The following RPH3AL variants were observed in gnomAD, a reference collection of about 807,000 sequenced individuals.
RPH3AL encodes rabphilin 3A like (without C2 domains).
RPH3AL carries 38 observed loss-of-function variants against 43.1 expected under a neutral mutation model. The observed-to-expected ratio is 0.88, with a 90% CI of 0.68 to 1.15. RPH3AL has a LOEUF of 1.15. Ranked by LOEUF, RPH3AL falls within the 50% of genes most tolerant of loss-of-function variation. The pLI, the probability that RPH3AL is intolerant of heterozygous loss-of-function variation, is 0.00. For synonymous variants in RPH3AL, 189 were observed against 176.3 expected, an observed-to-expected ratio of 1.07 and a Z score of -0.57; for missense variants, 462 against 423.2, an observed-to-expected ratio of 1.09 and a Z score of -0.81.
chr17:317,832 CT>C (rs1257473442), intron 5 of RPH3AL, among the ~76,000 whole-genome samples: 2 of 152,160 alleles, frequency 1.3e-5, no homozygotes, highest in Admixed American at 1.3e-4. Context: ...TGCCAGTGGC[CT>C]GCATGTTCCA....
chr17:225,005 C>G lies in RPH3AL; in HGVS notation c.614-5269G>C, dbSNP rs144977607. Among the ~76,000 whole-genome samples, 5,251 of 151,172 alleles carry G rather than the reference C, an allele frequency of 0.035. 112 individuals are homozygous for G. Among genetic ancestry groups the G allele is most frequent in the African/African-American group, 0.042 (1,739 of 41,130 alleles). On this transcript the variant is annotated intron_variant, in intron 7 of 9. Transcript: ENST00000331302. This position sits in a 1 kb window ranked among gnomAD's most constrained non-coding sequence, Gnocchi z 4.4. ...GGGAGGGATAGCGTTAGGAGATATA[C>G]CTAATGTAAATGACGAGTTAATGGG... is the stretch of plus-strand genomic sequence containing the variant.
chr17:266,840 G>A (rs1287964119), intron 6 of RPH3AL, among the ~76,000 whole-genome samples: 1 of 152,258 alleles, frequency 6.6e-6, no homozygotes, highest in Non-Finnish European at 1.5e-5. Context: ...GCTCCTGTGA[G>A]GCTTCTACAC....
At chr17:293,899 C>T (rs1338688763) in intron 5 of RPH3AL, among the ~76,000 whole-genome samples, 1 of 152,048 alleles carries the variant, frequency 6.6e-6, no homozygotes, top group African/African-American at 2.4e-5. Flanking sequence ...CGCGGTGGTA[C>T]TCACCCGGAA....
rs1207102666 is a variant in RPH3AL, at chr17:345,518, C to T, written c.-213+7194G>A. Among the ~76,000 whole-genome samples, 2 of 135,038 alleles carry T rather than the reference C, an allele frequency of 1.5e-5. 1 individual carries two copies. Among genetic ancestry groups the T allele is most frequent in the African/African-American group, 5.1e-5 (2 of 39,358 alleles). The allele number at this position is 135,038 out of a possible 152,430, so 88.6% of individuals were successfully genotyped here. On this transcript the variant is annotated intron_variant, in intron 1 of 9. Coordinates refer to ENST00000331302, the MANE Select transcript of RPH3AL (RefSeq NM_006987.4). ...GCCTGTATAGCCAGGCTTGGAGAAA[C>T]AGAAACAGCCACCCAGGACTGGCTA...
intron 1 of RPH3AL, among the ~76,000 whole-genome samples, chr17:344,036 A>C (rs2045187830): frequency 1.3e-5 from 1 of 76,460 alleles, no homozygotes; most frequent in Non-Finnish European, 3.5e-5. Flanking sequence ...CATCACCCCC[A>C]TCATCACCAT....
At chr17:324,115 G>A (rs4556857) in intron 3 of RPH3AL, among the ~76,000 whole-genome samples, 49,397 of 152,122 alleles carry the variant, frequency 0.32, 8,242 homozygotes, top group East Asian at 0.45. Flanking sequence ...CAGAGGAAAC[G>A]AGGTGCGGAA....
At chr17:309,361 G>C (rs2043576560) in intron 5 of RPH3AL, among the ~76,000 whole-genome samples, 1 of 152,162 alleles carries the variant, frequency 6.6e-6, no homozygotes, top group Non-Finnish European at 1.5e-5. Context: ...ACCAAACAGA[G>C]AGGGAAGCTG....
chr17:320,756 A>AT (rs2044445969), intron 4 of RPH3AL, among the ~76,000 whole-genome samples: 1 of 152,228 alleles, frequency 6.6e-6, no homozygotes, highest in Non-Finnish European at 1.5e-5. Flanking sequence ...TGTTTTTCAG[A>AT]TTTTCTAGGA....
At chr17:266,844 T>A (rs1555548179) in intron 6 of RPH3AL, among the ~76,000 whole-genome samples, 1 of 152,252 alleles carries the variant, frequency 6.6e-6, no homozygotes, top group African/African-American at 2.4e-5. Context: ...CTGTGAGGCT[T>A]CTACACAATT....
intron 5 of RPH3AL, among the ~76,000 whole-genome samples, chr17:285,281 C>T (rs1351476602): frequency 1.3e-5 from 2 of 152,156 alleles, no homozygotes; most frequent in African/African-American, 4.8e-5. Context: ...TCAGAGGCCG[C>T]ACGGCACGGC....
In RPH3AL at chr17:245,881, T is replaced by A. The variant is rs903721620; in HGVS notation, c.613+1230A>T. On this transcript the variant is annotated intron_variant, in intron 7 of 9. Coordinates refer to ENST00000331302, the MANE Select transcript of RPH3AL (RefSeq NM_006987.4). The surrounding 1 kb of genome is among the most constrained non-coding windows in gnomAD (Gnocchi z 5.9). ...GCATCCCACGGTCCCCACCAATGTC[T>A]GTCCGTGGCAGCGATGTCGGGGGTG... Among the ~76,000 whole-genome samples the A allele has an allele frequency of 1.3e-5, 2 of 152,128 alleles. No homozygotes were observed. Among genetic ancestry groups the A allele is most frequent in the Non-Finnish European group, 2.9e-5 (2 of 68,018 alleles).
intron 5 of RPH3AL, among the ~76,000 whole-genome samples, chr17:315,247 G>A (rs1319084975): frequency 2.3e-5 from 3 of 127,972 alleles, no homozygotes; most frequent in African/African-American, 3.1e-5. Flanking sequence ...TTCACCTGTA[G>A]TCCCTGTGCC....
At position 309,574 on chromosome 17, in the gene RPH3AL, C is replaced by CT. The variant is rs2043589427; in HGVS notation, c.351+9845_351+9846insA. Among the ~76,000 whole-genome samples, 5 of 35,864 alleles carry CT rather than the reference C, an allele frequency of 1.4e-4. 1 individual carries two copies. The highest frequency in any genetic ancestry group is 2.1e-4 in the Non-Finnish European group (3 of 14,280). 23.5% of individuals were successfully genotyped at this position (35,864 alleles called of 152,430 possible). A position where few individuals can be genotyped will look rare whatever the true frequency, so the allele number is the denominator to read the frequency against. ...GGTCCGGGATATGGCACGTCCCCTG[C>CT]CCTGCCCCAGGCTCCTGCCAGCCTC... On this transcript the variant is annotated intron_variant, in intron 5 of 9. Transcript: ENST00000331302.
At chr17:301,336 C>T (rs964099484) in intron 5 of RPH3AL, among the ~76,000 whole-genome samples, 5 of 152,198 alleles carry the variant, frequency 3.3e-5, no homozygotes, top group African/African-American at 9.7e-5. Context: ...CAGGGTCTCA[C>T]GCTGTCACCT....
rs962194718 is a variant in RPH3AL at position 213,505 on chromosome 17, C to T, written c.*347G>A. On this transcript the variant is annotated 3_prime_UTR_variant, in exon 10 of 10. Transcript: ENST00000331302. ...AATATAGCAACGGAGATAGCCCCAC[C>T]GGGCGGCCCCTCTGACACTGCATGT... The T allele has an allele frequency of 8.3e-5, 33 of 399,526 alleles. No homozygotes were observed. The highest frequency in any genetic ancestry group is 4.1e-4 in the Admixed American group (10 of 24,232). The allele number at this position is 399,526 out of a possible 1,614,324, so 24.7% of individuals were successfully genotyped here. A position where few individuals can be genotyped will look rare whatever the true frequency, so the allele number is the denominator to read the frequency against.
chr17:249,549 C>T (rs1246981151), intron 6 of RPH3AL, among the ~76,000 whole-genome samples: 2 of 152,034 alleles, frequency 1.3e-5, no homozygotes, highest in Admixed American at 6.5e-5. Flanking sequence ...CACCAGTGGG[C>T]CAATTCCCTA....
rs1351404020 is a variant in RPH3AL, at chr17:242,353, A to AC, written c.613+4757dup. On this transcript the variant is annotated intron_variant, in intron 7 of 9. Coordinates refer to ENST00000331302, the MANE Select transcript of RPH3AL (RefSeq NM_006987.4). ...TATTGACTACCTTCCTCTATTGACT[A>AC]CCTTCCTCTATTGACTACCTTCCTC... Among the ~76,000 whole-genome samples, 304 of 48,918 alleles carry AC rather than the reference A, an allele frequency of 6.2e-3. 2 individuals are homozygous for AC. Among genetic ancestry groups the AC allele is most frequent in the Admixed American group, 0.044 (197 of 4,434 alleles). 32.1% of individuals were successfully genotyped at this position (48,918 alleles called of 152,430 possible).
At chr17:329,437 T>C (rs1308171927) in intron 2 of RPH3AL, among the ~76,000 whole-genome samples, 1 of 152,090 alleles carries the variant, frequency 6.6e-6, no homozygotes, top group Non-Finnish European at 1.5e-5. Context: ...GATCAAGCCA[T>C]TGCACTCCAG....
intron 5 of RPH3AL, among the ~76,000 whole-genome samples, chr17:301,804 C>G (rs370396276): frequency 6.1e-4 from 93 of 152,252 alleles, no homozygotes; most frequent in African/African-American, 2.2e-3. Context: ...TGACCCGAGC[C>G]GTAGGAGTCA....
Sources: allele counts gnomAD v4.1 joint callset (sites outside exome capture counted in the v4.1 genomes callset), GRCh38; gene constraint gnomAD v4.1.1; non-coding constraint Gnocchi (gnomAD v3.1); transcripts MANE v1.5; gene names NCBI Gene and HGNC (gene_info 2026-07-23, HGNC 2026-07-21).